Variants in DLG2 observed in about 807,000 individuals in gnomAD.
DLG2 encodes the protein disks large homolog 2.
DLG2 carries 45 observed loss-of-function variants against 132.5 expected under a neutral mutation model. That is an observed-to-expected ratio of 0.34 (90% CI 0.27 to 0.44). The LOEUF is 0.44. DLG2 is among the 20% of genes least tolerant of loss of function. The probability of loss-of-function intolerance (pLI) is 1.00; values close to 1 mark genes in which losing one functional copy is unlikely to be tolerated. For synonymous variants in DLG2, 424 were observed against 419.6 expected (o/e 1.01, Z -0.13); for missense variants, 1,045 against 1,196.9 (o/e 0.87, Z 1.87).
chr11:84,057,738 A>T (rs2096527823), intron 11 of DLG2, among the ~76,000 whole-genome samples: 3 of 152,192 alleles, frequency 2.0e-5, no homozygotes, highest in South Asian at 4.1e-4. Context: ...TATTCTAAAT[A>T]CTTTTTGTGA....
chr11:83,976,656 T>C (rs2092268842), intron 12 of DLG2, among the ~76,000 whole-genome samples: 1 of 151,954 alleles, frequency 6.6e-6, no homozygotes, highest in South Asian at 2.1e-4. Flanking sequence ...AATGAATCAT[T>C]TTCTTTCATT....
intron 3 of DLG2, among the ~76,000 whole-genome samples, chr11:85,492,724 G>A (rs12273717): frequency 3.4e-5 from 5 of 145,640 alleles, no homozygotes; most frequent in African/African-American, 8.5e-5. Flanking sequence ...TTAAAATATA[G>A]GTTACATGGC....
chr11:84,153,091 G>A (rs1408577656), intron 9 of DLG2, among the ~76,000 whole-genome samples: 1 of 152,158 alleles, frequency 6.6e-6, no homozygotes, highest in East Asian at 1.9e-4. Flanking sequence ...TCTCCTTTGT[G>A]TATGAAACTT....
intron 22 of DLG2, among the ~76,000 whole-genome samples, chr11:83,479,385 A>T (rs989717138): frequency 6.6e-6 from 1 of 151,668 alleles, no homozygotes; most frequent in Non-Finnish European, 1.5e-5. Flanking sequence ...GGGGGGGGGA[A>T]AACCTCAAAC....
chr11:85,314,680 G>A (rs565233810), intron 3 of DLG2, among the ~76,000 whole-genome samples: 8 of 152,034 alleles, frequency 5.3e-5, no homozygotes, highest in East Asian at 1.9e-4. Context: ...GCAAAGAAAC[G>A]TGCAAAGCAA....
intron 7 of DLG2, among the ~76,000 whole-genome samples, chr11:84,462,027 C>T (rs765954056): frequency 1.3e-5 from 2 of 150,880 alleles, no homozygotes; most frequent in African/African-American, 2.4e-5. Context: ...ATGTCATCAA[C>T]GTTAAGTAGA....
intron 19 of DLG2, among the ~76,000 whole-genome samples, chr11:83,574,570 T>G (rs1330578319): frequency 1.3e-5 from 2 of 152,180 alleles, no homozygotes; most frequent in Non-Finnish European, 2.9e-5. Flanking sequence ...CTCTATACAT[T>G]GTCATTCTGA....
intron 19 of DLG2, among the ~76,000 whole-genome samples, chr11:83,544,833 G>A (rs1414424868): frequency 1.3e-5 from 2 of 152,118 alleles, no homozygotes; most frequent in African/African-American, 2.4e-5. Flanking sequence ...AAAATGAGGT[G>A]TATCTGACTC....
At chr11:85,326,524 G>C (rs1443437545) in intron 3 of DLG2, among the ~76,000 whole-genome samples, 1 of 95,080 alleles carries the variant, frequency 1.1e-5, no homozygotes, top group Non-Finnish European at 2.1e-5. Context: ...GCCAAACTAA[G>C]CTTCATAAGT....
chr11:83,591,095 T>C (rs1244006437), intron 19 of DLG2, among the ~76,000 whole-genome samples: 2 of 152,054 alleles, frequency 1.3e-5, no homozygotes, highest in African/African-American at 4.8e-5. Flanking sequence ...CTTCTGAAAC[T>C]ATTCCAATCA....
intron 11 of DLG2, among the ~76,000 whole-genome samples, chr11:84,006,491 C>T (rs2094577629): frequency 1.3e-5 from 2 of 151,284 alleles, no homozygotes; most frequent in African/African-American, 4.8e-5. Flanking sequence ...ACGATAAATA[C>T]TTAAGTATTT....
intron 18 of DLG2, among the ~76,000 whole-genome samples, chr11:83,702,828 A>G (rs2083196655): frequency 1.3e-5 from 2 of 152,252 alleles, no homozygotes; most frequent in Admixed American, 1.3e-4. Context: ...GAGCAGAAAG[A>G]GATGCTAATA....
intron 18 of DLG2, among the ~76,000 whole-genome samples, chr11:83,746,535 C>T (rs2153727719): frequency 6.6e-6 from 1 of 151,660 alleles, no homozygotes; most frequent in East Asian, 1.9e-4. Context: ...AATGAGAACA[C>T]ATGGACACAG....
intron 18 of DLG2, among the ~76,000 whole-genome samples, chr11:83,645,432 C>A (rs1284556501): frequency 6.6e-6 from 1 of 152,052 alleles, no homozygotes; most frequent in Non-Finnish European, 1.5e-5. Context: ...GAGGGCTGTG[C>A]TGCAATGACA....
chr11:84,438,361 G>T (rs1284436452), intron 7 of DLG2, among the ~76,000 whole-genome samples: 2 of 152,118 alleles, frequency 1.3e-5, no homozygotes, highest in Non-Finnish European at 2.9e-5. Flanking sequence ...ACCTGTAAAA[G>T]AACTGAGGCC....
intron 2 of DLG2, among the ~76,000 whole-genome samples, chr11:85,611,908 G>T (rs1194710485): frequency 6.6e-6 from 1 of 151,972 alleles, no homozygotes; most frequent in African/African-American, 2.4e-5. Flanking sequence ...GGCAGAGGCA[G>T]GGAAAGACCA....
intron 3 of DLG2, among the ~76,000 whole-genome samples, chr11:85,309,368 A>G (rs900572924): frequency 6.6e-6 from 1 of 151,848 alleles, no homozygotes; most frequent in Admixed American, 6.6e-5. Flanking sequence ...TTACAGTAAT[A>G]GCAAACTGAT....
intron 6 of DLG2, chr11:84,887,143 A>G (rs944919617): frequency 6.6e-6 from 1 of 152,174 alleles, no homozygotes; most frequent in Non-Finnish European, 1.5e-5. Context: ...AGAGATACAG[A>G]GCACCTTTAA....
chr11:84,978,866 A>T (rs1008287731), intron 6 of DLG2, among the ~76,000 whole-genome samples: 2 of 152,186 alleles, frequency 1.3e-5, no homozygotes, highest in African/African-American at 4.8e-5. Flanking sequence ...CTACCATCAG[A>T]GTGAACAGGC....
Sources: allele counts gnomAD v4.1 joint callset (sites outside exome capture counted in the v4.1 genomes callset), GRCh38; gene constraint gnomAD v4.1.1; transcripts MANE v1.5; gene names NCBI Gene and HGNC (gene_info 2026-07-23, HGNC 2026-07-21).